Variants in USP6NL observed in about 807,000 individuals in gnomAD.
The protein encoded by USP6NL is USP6 N-terminal-like protein.
A neutral mutation model predicts 61.9 loss-of-function variants in USP6NL; 26 were observed. That is an observed-to-expected ratio of 0.42 (90% CI 0.31 to 0.58). The LOEUF is 0.58. Ranked by LOEUF, USP6NL falls within the 20% of genes least tolerant of loss-of-function variation. The probability of loss-of-function intolerance (pLI) is 0.16; values close to 1 mark genes in which losing one functional copy is unlikely to be tolerated. For synonymous variants in USP6NL, 432 were observed against 390.1 expected (o/e 1.11, Z -1.27); for missense variants, 1,114 against 1,034.3 (o/e 1.08, Z -1.06).
At chr10:11,533,150 A>C (rs187068902) in intron 2 of USP6NL, among the ~76,000 whole-genome samples, 1 of 152,344 alleles carries the variant, frequency 6.6e-6, no homozygotes, top group African/African-American at 2.4e-5. Flanking sequence ...AAAAGATCTC[A>C]GAAGTTGAGA....
At position 11,562,193 on chromosome 10, in the gene USP6NL, C is replaced by T. The variant is rs555912072; in HGVS notation, c.5-34626G>A. ...TACTTGGGAGGCTGAAGCCGGTAGG[C>T]GGAGGTTGCAGTGAGCCGAGATCGC... On this transcript the variant is annotated intron_variant, in intron 2 of 14. Transcript: ENST00000609104. This position sits in a 1 kb window ranked among gnomAD's most constrained non-coding sequence, Gnocchi z 4.8. Among the ~76,000 whole-genome samples, 3 of 149,038 alleles carry T rather than the reference C, an allele frequency of 2.0e-5. No individual in the cohort carries two copies. Among genetic ancestry groups the T allele is most frequent in the Admixed American group, 6.8e-5 (1 of 14,700 alleles).
chr10:11,608,798 G>T (rs918426595), intron 1 of USP6NL, among the ~76,000 whole-genome samples: 4 of 152,190 alleles, frequency 2.6e-5, no homozygotes, highest in African/African-American at 7.2e-5. Context: ...ACAAAGAAAT[G>T]AGCTTTTAAA....
Position 11,485,786 on chromosome 10 carries a change from G to T in USP6NL, c.759+31C>A. ...CCAGCTTTTTTTGGGGGGTGGGTAG[G>T]TGGGTGTAAGTCAGTGGCACATCTA... On this transcript the variant is annotated intron_variant, in intron 11 of 14. Coordinates refer to ENST00000609104, the MANE Select transcript of USP6NL (RefSeq NM_014688.5). The surrounding 1 kb of genome is among the most constrained non-coding windows in gnomAD (Gnocchi z 4.8). 2.8e-6 allele frequency: 4 copies of T among 1,434,136 alleles called. No individual in the cohort carries two copies. The highest frequency in any genetic ancestry group is 2.8e-6 in the Non-Finnish European group (3 of 1,056,664). 88.8% of individuals were successfully genotyped at this position (1,434,136 alleles called of 1,614,324 possible).
chr10:11,517,338 A>C lies in USP6NL; in HGVS notation c.195+1197T>G, dbSNP rs540206672. ...CACTATTACTCATTATTTCCTTCTC[A>C]GTCATTCCTCAGCTACAAAGAATCT... On this transcript the variant is annotated intron_variant, in intron 5 of 14. Transcript: ENST00000609104. 2.6e-5 allele frequency among the ~76,000 whole-genome samples: 4 copies of C among 152,292 alleles called. No individual in the cohort carries two copies. The South Asian group carries it at 8.3e-4, about 32-fold the overall frequency.
intron 2 of USP6NL, among the ~76,000 whole-genome samples, chr10:11,535,332 G>A (rs1037901621): frequency 6.6e-6 from 1 of 152,106 alleles, no homozygotes; most frequent in East Asian, 1.9e-4. Context: ...TAAAGTATTA[G>A]TATAATTTAT....
chr10:11,467,987 CTT>C (rs1832548030), intron 14 of USP6NL, among the ~76,000 whole-genome samples: 1 of 152,194 alleles, frequency 6.6e-6, no homozygotes, highest in Admixed American at 6.5e-5. Flanking sequence ...TTGCCAGACA[CTT>C]TACTTTTGTT....
intron 14 of USP6NL, among the ~76,000 whole-genome samples, chr10:11,466,120 C>T (rs1832441376): frequency 1.3e-5 from 2 of 152,142 alleles, no homozygotes; most frequent in Admixed American, 6.5e-5. Context: ...TTGTGGTCAC[C>T]AATTTATTCC....
chr10:11,485,776 G>A lies in USP6NL; in HGVS notation c.759+41C>T. The A allele has an allele frequency of 7.6e-7, 1 of 1,319,026 alleles. No homozygotes were observed. The allele number at this position is 1,319,026 out of a possible 1,614,324, so 81.7% of individuals were successfully genotyped here. A position where few individuals can be genotyped will look rare whatever the true frequency, so the allele number is the denominator to read the frequency against. Reference sequence around the variant, plus strand: ...TTTAATTATCCCAGCTTTTTTTGGGGGGTGGGTAGGTGGGTGTAAGTCAGT... The same window carrying A: ...TTTAATTATCCCAGCTTTTTTTGGGAGGTGGGTAGGTGGGTGTAAGTCAGT... On this transcript the variant is annotated intron_variant, in intron 11 of 14. Transcript: ENST00000609104. The surrounding 1 kb of genome is among the most constrained non-coding windows in gnomAD (Gnocchi z 4.8).
chr10:11,541,262 T>TAC, intron 2 of USP6NL, among the ~76,000 whole-genome samples: 1 of 134,722 alleles, frequency 7.4e-6, no homozygotes, highest in African/African-American at 2.7e-5. Context: ...TATATATATA[T>TAC]ATATATATAT....
chr10:11,525,320 C>G lies in USP6NL; in HGVS notation c.155+66G>C. 1 of 1,282,280 alleles carries G rather than the reference C, an allele frequency of 7.8e-7. No homozygotes were observed. Among genetic ancestry groups the G allele is most frequent in the Non-Finnish European group, 1.1e-6 (1 of 923,820 alleles). 79.4% of individuals were successfully genotyped at this position (1,282,280 alleles called of 1,614,324 possible). ...CAATTATATTAAAAATAAAGAAAATCAATATAATAGGTGACCACAGAAACG... is the reference window on the plus strand; with the variant it reads ...CAATTATATTAAAAATAAAGAAAATGAATATAATAGGTGACCACAGAAACG... On this transcript the variant is annotated intron_variant, in intron 4 of 14. Transcript: ENST00000609104. This position sits in a 1 kb window ranked among gnomAD's most constrained non-coding sequence, Gnocchi z 5.0.
Position 11,483,787 on chromosome 10 carries a change from T to G in USP6NL, c.925+1184A>C, listed in dbSNP as rs887653317. On this transcript the variant is annotated intron_variant, in intron 13 of 14. Transcript: ENST00000609104. ...ACAGACTTGAATCCTGGAAGACACA[T>G]AGTCAATTGTTTTGTTCTGGTGCAT... Among the ~76,000 whole-genome samples, 3 of 151,918 alleles carry G rather than the reference T, an allele frequency of 2.0e-5. No homozygotes were observed. The East Asian group carries it at 5.8e-4, about 29-fold the overall frequency.
At chr10:11,473,532 G>A (rs994613772) in intron 14 of USP6NL, among the ~76,000 whole-genome samples, 3 of 152,172 alleles carry the variant, frequency 2.0e-5, no homozygotes, top group African/African-American at 7.2e-5. Flanking sequence ...GGGAATGGTC[G>A]GGAGCATTCT....
At chr10:11,555,433 A>AATATATATATAT (rs1157927483) in intron 2 of USP6NL, among the ~76,000 whole-genome samples, 40 of 49,004 alleles carry the variant, frequency 8.2e-4, no homozygotes, top group South Asian at 2.7e-3. Flanking sequence ...AAAAAAAAAA[A>AATATATATATAT]ATATATATAT....
In USP6NL at chr10:11,518,823, T is replaced by G. The variant is rs1172253802; in HGVS notation, c.156-249A>C. ...ACATTTATTAATAAAAAGCATCTAA[T>G]TAACATTAAAATTTAATTTAGTTTA... On this transcript the variant is annotated intron_variant, in intron 4 of 14. Transcript: ENST00000609104. The surrounding 1 kb of genome is among the most constrained non-coding windows in gnomAD (Gnocchi z 5.3). Among the ~76,000 whole-genome samples the G allele has an allele frequency of 6.6e-6, 1 of 152,190 alleles. No homozygotes were observed. The highest frequency in any genetic ancestry group is 1.5e-5 in the Non-Finnish European group (1 of 68,038).
rs1832984590 is a variant in USP6NL at position 11,476,830 on chromosome 10, C to T, written c.1078+4940G>A. Among the ~76,000 whole-genome samples, 1 of 152,048 alleles carries T rather than the reference C, an allele frequency of 6.6e-6. No homozygotes were observed. Among genetic ancestry groups the T allele is most frequent in the African/African-American group, 2.4e-5 (1 of 41,392 alleles). ...GCCTTTCAACACTTTTACAAACCAC[C>T]CCCATACTATGAAATAAATAAATCA... On this transcript the variant is annotated intron_variant, in intron 14 of 14. Transcript: ENST00000609104. The surrounding 1 kb of genome is among the most constrained non-coding windows in gnomAD (Gnocchi z 4.3).
At chr10:11,610,817 G>A (rs1325008872) in intron 1 of USP6NL, among the ~76,000 whole-genome samples, 2 of 151,964 alleles carry the variant, frequency 1.3e-5, no homozygotes, top group African/African-American at 4.8e-5. Flanking sequence ...TTACAGAAAC[G>A]TGCACCCATG....
intron 13 of USP6NL, among the ~76,000 whole-genome samples, chr10:11,484,506 A>G (rs538426186): frequency 3.9e-5 from 6 of 151,912 alleles, no homozygotes; most frequent in Non-Finnish European, 8.8e-5. Flanking sequence ...TGTGCTCCCA[A>G]CCACAGTTCA....
At chr10:11,506,488 A>T (rs190181680) in intron 6 of USP6NL, among the ~76,000 whole-genome samples, 219 of 151,122 alleles carry the variant, frequency 1.4e-3, no homozygotes, top group African/African-American at 3.2e-3. Flanking sequence ...GAAAAATAAA[A>T]TTTTTTTTTT....
At position 11,528,958 on chromosome 10, in the gene USP6NL, G is replaced by T. The variant is rs949800750; in HGVS notation, c.5-1391C>A. On this transcript the variant is annotated intron_variant, in intron 2 of 14. Transcript: ENST00000609104. The surrounding 1 kb of genome is among the most constrained non-coding windows in gnomAD (Gnocchi z 4.6). ...GGAAACCAATAGAAATGCCAAAAAC[G>T]GAAGATGCATGAAGCAGCAATACTG... 6.6e-6 allele frequency among the ~76,000 whole-genome samples: 1 copy of T among 152,118 alleles called. No homozygotes were observed. The highest frequency in any genetic ancestry group is 2.4e-5 in the African/African-American group (1 of 41,416).
Sources: gnomAD v4.1 joint callset for allele counts (sites outside exome capture counted in the v4.1 genomes callset) on GRCh38, gnomAD v4.1.1 for gene constraint, Gnocchi (gnomAD v3.1) non-coding constraint, MANE v1.5 for transcripts, NCBI Gene and HGNC (gene_info 2026-07-23, HGNC 2026-07-21) for gene names.